Variants in PLCB1 observed in about 807,000 individuals in gnomAD.
The protein encoded by PLCB1 is phospholipase C beta 1, also known as 1-phosphatidylinositol 4,5-bisphosphate phosphodiesterase beta-1.
A neutral mutation model predicts 161.8 loss-of-function variants in PLCB1; 46 were observed. The observed-to-expected ratio is 0.28, with a 90% confidence interval of 0.22 to 0.36. PLCB1 has a LOEUF of 0.36. Ranked by LOEUF, PLCB1 falls within the 10% of genes least tolerant of loss-of-function variation. The pLI is 1.00. For synonymous variants in PLCB1, 517 were observed against 503.7 expected, an observed-to-expected ratio of 1.03 and a Z score of -0.35; for missense variants, 1,016 against 1,472.5, an observed-to-expected ratio of 0.69 and a Z score of 5.07.
Position 8,881,882 on chromosome 20 carries a change from C to T in PLCB1, c.*33C>T, listed in dbSNP as rs1305449247. 1 of 1,369,776 alleles carries T rather than the reference C, an allele frequency of 7.3e-7. No homozygotes were observed. The highest frequency in any genetic ancestry group is 1.0e-6 in the Non-Finnish European group (1 of 958,130). 84.9% of individuals were successfully genotyped at this position (1,369,776 alleles called of 1,614,324 possible). On this transcript the variant is annotated 3_prime_UTR_variant, in exon 32 of 32. Coordinates refer to ENST00000338037, the MANE Select transcript of PLCB1 (RefSeq NM_015192.4). ...TGCCAGGCCTTCAGAAATTGCATGG[C>T]CACTCCAGCGTCATCGGACTCTCTC...
intron 3 of PLCB1, among the ~76,000 whole-genome samples, chr20:8,444,872 CT>C (rs1325554464): frequency 4.0e-5 from 6 of 149,340 alleles, no homozygotes; most frequent in Admixed American, 4.0e-4. Flanking sequence ...TGTTTATATC[CT>C]TTGCCTACTT....
chr20:8,331,428 G>A (rs1012263299), intron 2 of PLCB1, among the ~76,000 whole-genome samples: 1 of 149,240 alleles, frequency 6.7e-6, no homozygotes, highest in African/African-American at 2.5e-5. Context: ...TTTGTTTTTT[G>A]TTTTATGCCA....
At chr20:8,247,365 A>C (rs1401276379) in intron 2 of PLCB1, among the ~76,000 whole-genome samples, 3 of 152,014 alleles carry the variant, frequency 2.0e-5, no homozygotes. Context: ...TCATTCATTC[A>C]ACATATCATT....
chr20:8,381,443 T>C (rs1369202901), intron 3 of PLCB1, among the ~76,000 whole-genome samples: 1 of 152,236 alleles, frequency 6.6e-6, no homozygotes, highest in African/African-American at 2.4e-5. Flanking sequence ...GGTAACAGGA[T>C]GATGCTGGCT....
chr20:8,644,609 G>A (rs1161843022), intron 4 of PLCB1, among the ~76,000 whole-genome samples: 1 of 151,490 alleles, frequency 6.6e-6, no homozygotes, highest in African/African-American at 2.4e-5. Context: ...CAGCTGCCCT[G>A]TCTGAGAAGT....
At chr20:8,235,937 C>T (rs939122977) in intron 2 of PLCB1, among the ~76,000 whole-genome samples, 3 of 151,906 alleles carry the variant, frequency 2.0e-5, no homozygotes, top group South Asian at 2.1e-4. Flanking sequence ...TCAAGGCAAT[C>T]CAAAGTAGTT....
chr20:8,750,254 G>A (rs1403531775), intron 23 of PLCB1, among the ~76,000 whole-genome samples: 2 of 152,170 alleles, frequency 1.3e-5, no homozygotes, highest in Non-Finnish European at 2.9e-5. Context: ...GACATTAACT[G>A]TGCAAAACAC....
At chr20:8,535,887 GC>G (rs1985030028) in intron 3 of PLCB1, among the ~76,000 whole-genome samples, 2 of 152,050 alleles carry the variant, frequency 1.3e-5, no homozygotes, top group African/African-American at 2.4e-5. Context: ...ACTTACGGAA[GC>G]CCTTCAAAGG....
At chr20:8,385,702 A>G (rs1987407133) in intron 3 of PLCB1, among the ~76,000 whole-genome samples, 1 of 152,204 alleles carries the variant, frequency 6.6e-6, no homozygotes, top group South Asian at 2.1e-4. Context: ...TGGAAAAAGC[A>G]TGGTTTCCCC....
intron 3 of PLCB1, among the ~76,000 whole-genome samples, chr20:8,541,524 A>T (rs1170568188): frequency 6.7e-6 from 1 of 148,736 alleles, no homozygotes; most frequent in Non-Finnish European, 1.5e-5. Flanking sequence ...TGATGATTGA[A>T]TAATTGACCA....
intron 2 of PLCB1, among the ~76,000 whole-genome samples, chr20:8,214,514 C>T (rs955028305): frequency 1.1e-4 from 16 of 152,044 alleles, no homozygotes; most frequent in Admixed American, 3.3e-4. Context: ...CTTTCTGTAC[C>T]GGCTGCAGAG....
At chr20:8,385,222 T>A (rs1600363297) in intron 3 of PLCB1, among the ~76,000 whole-genome samples, 1 of 152,180 alleles carries the variant, frequency 6.6e-6, no homozygotes, top group South Asian at 2.1e-4. Context: ...CCTGAGCCTC[T>A]GGCTGGAGTT....
intron 2 of PLCB1, among the ~76,000 whole-genome samples, chr20:8,323,766 C>A (rs545356677): frequency 6.6e-6 from 1 of 151,984 alleles, no homozygotes; most frequent in South Asian, 2.1e-4. Flanking sequence ...CTTTTTTTAA[C>A]CATTACATTT....
intron 31 of PLCB1, among the ~76,000 whole-genome samples, chr20:8,813,266 T>G (rs2146255060): frequency 6.6e-6 from 1 of 152,340 alleles, no homozygotes; most frequent in East Asian, 1.9e-4. Context: ...CGCGGAAAGC[T>G]TTGGCAAGAT....
At chr20:8,449,205 T>C (rs1290562308) in intron 3 of PLCB1, among the ~76,000 whole-genome samples, 1 of 152,236 alleles carries the variant, frequency 6.6e-6, no homozygotes, top group Non-Finnish European at 1.5e-5. Flanking sequence ...AAGCATTTTA[T>C]ATGCATCATA....
rs567943230 is a variant in PLCB1 at position 8,455,960 on chromosome 20, A to G, written c.246+84510A>G. On this transcript the variant is annotated intron_variant, in intron 3 of 31. Transcript: ENST00000338037. ...CAAAATGATGTGTACAGCAAAATCA[A>G]AGCTTTCGCATCATAATCAAAACCA... is the stretch of plus-strand genomic sequence containing the variant. 4.6e-5 allele frequency among the ~76,000 whole-genome samples: 7 copies of G among 152,348 alleles called. No homozygotes were observed. In the East Asian group the frequency reaches 1.2e-3, roughly 25 times the overall value.
At chr20:8,311,010 T>C (rs6133573) in intron 2 of PLCB1, among the ~76,000 whole-genome samples, 23,371 of 152,216 alleles carry the variant, frequency 0.15, 2,377 homozygotes, top group East Asian at 0.24. Context: ...TACAGTTTTA[T>C]ACTACTCTCA....
intron 23 of PLCB1, chr20:8,750,919 AAAAG>A: frequency 8.2e-7 from 1 of 1,217,374 alleles, no homozygotes; most frequent in African/African-American, 1.6e-5. Flanking sequence ...TCATAAGGTA[AAAAG>A]AACTGCACTC....
chr20:8,872,435 C>T (rs1987639419), intron 31 of PLCB1, among the ~76,000 whole-genome samples: 1 of 152,164 alleles, frequency 6.6e-6, no homozygotes. Context: ...CCTTGAATTA[C>T]AAAGTTGAAC....
Sources: gnomAD v4.1 joint callset for allele counts (sites outside exome capture counted in the v4.1 genomes callset) on GRCh38, gnomAD v4.1.1 for gene constraint, MANE v1.5 for transcripts, NCBI Gene and HGNC (gene_info 2026-07-23, HGNC 2026-07-21) for gene names.